The following TSPEAR variants were observed in gnomAD, a reference collection of about 807,000 sequenced individuals.
TSPEAR encodes the protein thrombospondin-type laminin G domain and EAR repeat-containing protein.
In TSPEAR, 69 loss-of-function variants were observed where a neutral mutation model predicts 71.6. The observed-to-expected ratio is 0.96, with a 90% CI of 0.79 to 1.18. TSPEAR has a LOEUF of 1.18. Ranked by LOEUF, TSPEAR falls within the 50% of genes most tolerant of loss-of-function variation. TSPEAR has a pLI of 0.00. For missense variants in TSPEAR, 971 were observed against 894.9 expected, an observed-to-expected ratio of 1.09 and a Z score of -1.09; for synonymous variants, 402 against 387.2, an observed-to-expected ratio of 1.04 and a Z score of -0.45.
chr21:44,587,130 C>T (rs1235910774), intron 1 of TSPEAR, among the ~76,000 whole-genome samples: 4 of 152,114 alleles, frequency 2.6e-5, no homozygotes, highest in Non-Finnish European at 5.9e-5. Context: ...GATCGTACAC[C>T]TAGAAAACCC....
At chr21:44,682,105 A>G in intron 1 of TSPEAR, 1 of 1,613,768 alleles carries the variant, frequency 6.2e-7, no homozygotes, top group South Asian at 1.1e-5. Flanking sequence ...CAGCCCGAGG[A>G]GCAGCTGGTG....
chr21:44,510,141 T>G (rs1251727959), intron 9 of TSPEAR, among the ~76,000 whole-genome samples: 1 of 152,172 alleles, frequency 6.6e-6, no homozygotes, highest in East Asian at 1.9e-4. Flanking sequence ...CAGGACTGTC[T>G]GCATGTGGGG....
chr21:44,677,699 T>C (rs1034290159), intron 1 of TSPEAR: 4 of 1,422,812 alleles, frequency 2.8e-6, no homozygotes, highest in Non-Finnish European at 4.0e-6. Context: ...CCTTTTGTTT[T>C]TGGAGTTGTG....
At chr21:44,690,521 C>T (rs1987082199) in intron 1 of TSPEAR, 2 of 982,036 alleles carry the variant, frequency 2.0e-6, no homozygotes, top group Non-Finnish European at 2.4e-6. Flanking sequence ...ATCTCATCAG[C>T]AGCACTGAAG....
At chr21:44,550,457 C>T (rs1447314343) in intron 2 of TSPEAR, 5 of 706,334 alleles carry the variant, frequency 7.1e-6, no homozygotes, top group Non-Finnish European at 9.5e-6. Context: ...CGACCAGCGA[C>T]CAGCGGAGGG....
chr21:44,542,076 G>A (rs191206379), intron 2 of TSPEAR, among the ~76,000 whole-genome samples: 23 of 152,260 alleles, frequency 1.5e-4, no homozygotes, highest in South Asian at 4.1e-4. Context: ...ACTTGCTCAA[G>A]AAAATAGAGA....
intron 3 of TSPEAR, 88 bp downstream of exon 3, chr21:44,533,597 G>GCC: frequency 1.8e-6 from 2 of 1,119,668 alleles, no homozygotes; most frequent in Non-Finnish European, 2.6e-6. Context: ...AGCTCCTGCA[G>GCC]GTGTTGCTCG....
At position 44,539,357 on chromosome 21, in the gene TSPEAR, G is replaced by T. The variant is rs782110408; in HGVS notation, c.304-5434C>A. The stretch of plus-strand genomic sequence containing the variant: ...GCAGAGGAGGGACACGCAGGAGGCC[G>T]GGCGGCAGCAGCTGGCCTGGCAGGA... On this transcript the variant is annotated intron_variant, in intron 2 of 11. Transcript: ENST00000323084. The T allele has an allele frequency of 2.9e-5, 46 of 1,612,566 alleles. No individual in the cohort carries two copies. Among genetic ancestry groups the T allele is most frequent in the Non-Finnish European group, 3.7e-5 (44 of 1,179,412 alleles).
rs188728224 is a variant in TSPEAR at position 44,710,662 on chromosome 21, T to C, written c.82+771A>G. Among the ~76,000 whole-genome samples the C allele has an allele frequency of 6.6e-6, 1 of 152,344 alleles. No homozygotes were observed. The highest frequency in any genetic ancestry group is 1.9e-4 in the East Asian group (1 of 5,186). ...TGCGGAGCCTGAGTGCTGGAGTCAC[T>C]AATTTACTGTCCAGTAACTGAGTTT... is the stretch of plus-strand genomic sequence containing the variant. On this transcript the variant is annotated intron_variant, in intron 1 of 11. Coordinates refer to ENST00000323084, the MANE Select transcript of TSPEAR (RefSeq NM_144991.3). The surrounding 1 kb of genome is among the most constrained non-coding windows in gnomAD (Gnocchi z 4.6).
intron 1 of TSPEAR, among the ~76,000 whole-genome samples, chr21:44,598,928 T>C (rs1980555291): frequency 6.6e-6 from 1 of 152,242 alleles, no homozygotes; most frequent in South Asian, 2.1e-4. Context: ...ATGTTCTTCC[T>C]GGTCTAGAAT....
chr21:44,683,738 T>G (rs1126382), intron 1 of TSPEAR, among the ~76,000 whole-genome samples: 97,427 of 151,962 alleles, frequency 0.64, 31,384 homozygotes, highest in South Asian at 0.72. Flanking sequence ...ATAAACCTGA[T>G]ATGGTCTAGA....
chr21:44,653,162 AAAAG>A (rs1984917325), intron 1 of TSPEAR, among the ~76,000 whole-genome samples: 3 of 152,324 alleles, frequency 2.0e-5, no homozygotes, highest in South Asian at 2.1e-4. Flanking sequence ...ATCTCAAAAA[AAAAG>A]AAAGATAAAT....
intron 7 of TSPEAR, among the ~76,000 whole-genome samples, chr21:44,526,341 G>C (rs1447897673): frequency 1.3e-5 from 2 of 152,226 alleles, no homozygotes; most frequent in Non-Finnish European, 2.9e-5. Context: ...CATGGACGAT[G>C]TGCTTGGAGG....
intron 1 of TSPEAR, among the ~76,000 whole-genome samples, chr21:44,678,837 C>G (rs1240093452): frequency 1.3e-5 from 2 of 152,128 alleles, no homozygotes; most frequent in African/African-American, 4.8e-5. Flanking sequence ...CAATAACAAA[C>G]TAGCTGAAAA....
At chr21:44,535,349 A>T (rs1418318452) in intron 2 of TSPEAR, among the ~76,000 whole-genome samples, 11 of 152,194 alleles carry the variant, frequency 7.2e-5, no homozygotes, top group African/African-American at 2.7e-4. Flanking sequence ...GCACTTGATT[A>T]TACTTATTTC....
chr21:44,555,795 G>A (rs1361237813), intron 2 of TSPEAR, among the ~76,000 whole-genome samples: 1 of 152,130 alleles, frequency 6.6e-6, no homozygotes, highest in Non-Finnish European at 1.5e-5. Context: ...AGCCCTTCCT[G>A]CCATGCCTGC....
chr21:44,600,505 A>G, intron 1 of TSPEAR: 2 of 1,242,822 alleles, frequency 1.6e-6, no homozygotes, highest in Non-Finnish European at 2.2e-6. Flanking sequence ...TCCAGCTGGG[A>G]CAACAGACCA....
intron 2 of TSPEAR, among the ~76,000 whole-genome samples, chr21:44,545,418 G>A (rs28679337): frequency 0.079 from 11,968 of 151,942 alleles, 1,587 homozygotes; most frequent in African/African-American, 0.27. Context: ...CAGGTCTAAC[G>A]TAGATGCAGA....
intron 1 of TSPEAR, among the ~76,000 whole-genome samples, chr21:44,671,410 G>A (rs1398733622): frequency 6.6e-6 from 1 of 152,170 alleles, no homozygotes; most frequent in Non-Finnish European, 1.5e-5. Context: ...CCTGGACATG[G>A]TAACACCAGT....
Sources: gnomAD v4.1 joint callset for allele counts (sites outside exome capture counted in the v4.1 genomes callset) on GRCh38, gnomAD v4.1.1 for gene constraint, Gnocchi (gnomAD v3.1) non-coding constraint, MANE v1.5 for transcripts, NCBI Gene and HGNC (gene_info 2026-07-23, HGNC 2026-07-21) for gene names.